The following PIK3R4 variants were observed in gnomAD, a reference collection of about 807,000 sequenced individuals.
PIK3R4 encodes phosphoinositide-3-kinase regulatory subunit 4, also known as phosphoinositide 3-kinase regulatory subunit 4.
A neutral mutation model predicts 136.5 loss-of-function variants in PIK3R4; 46 were observed. That is an observed-to-expected ratio of 0.34 (90% CI 0.27 to 0.43). PIK3R4 has a LOEUF of 0.43. Among genes scored for constraint, PIK3R4 ranks in the 20% least tolerant of loss-of-function variants. PIK3R4 has a pLI of 1.00. For missense variants in PIK3R4, 1,331 were observed against 1,649.5 expected (o/e 0.81, Z 3.35); for synonymous variants, 557 against 566.7 (o/e 0.98, Z 0.24).
At chr3:130,724,060 C>CA (rs2066718425) in intron 6 of PIK3R4, among the ~76,000 whole-genome samples, 1 of 150,762 alleles carries the variant, frequency 6.6e-6, no homozygotes, top group South Asian at 2.1e-4. Flanking sequence ...AATTCAAGGG[C>CA]AAAAAAAAGC....
chr3:130,735,925 G>C lies in PIK3R4; in HGVS notation c.811C>G (p.His271Asp). 1 of 1,612,378 alleles carries C rather than the reference G, an allele frequency of 6.2e-7. No individual in the cohort carries two copies. The highest frequency in any genetic ancestry group is 8.5e-7 in the Non-Finnish European group (1 of 1,179,038). ...TTTAGCACTTGTTCAGGGAAAAAATGTCCATTTCTATAAGCCAAAAGTTGA... is the reference window on the plus strand; with the variant it reads ...TTTAGCACTTGTTCAGGGAAAAAATCTCCATTTCTATAAGCCAAAAGTTGA... The part of the protein sequence containing the change: ...LSQLLAYRNG[H>D]FFPEQVLNKI... Residue 271 changes from histidine to aspartate, a missense_variant, in exon 3 of 20, where the codon CAT becomes GAT. This residue lies in a region of PIK3R4 where 1,180 missense variants were observed against 1,407.0 expected (regional missense o/e 0.84). Coordinates refer to ENST00000356763, the MANE Select transcript of PIK3R4 (RefSeq NM_014602.3).
intron 7 of PIK3R4, 54 bp downstream of exon 7, chr3:130,723,360 A>C: frequency 6.8e-7 from 1 of 1,480,052 alleles, no homozygotes; most frequent in Non-Finnish European, 9.2e-7. Context: ...TATTACCTAG[A>C]AATTTTATAA....
At chr3:130,740,343 A>T (rs2066815133) in intron 2 of PIK3R4, among the ~76,000 whole-genome samples, 1 of 152,242 alleles carries the variant, frequency 6.6e-6, no homozygotes, top group Non-Finnish European at 1.5e-5. Flanking sequence ...TATTGGGTCA[A>T]ATACAAAATT....
chr3:130,679,440 G>T lies in PIK3R4; in HGVS notation c.3952C>A (p.Arg1318=), dbSNP rs765217350. The part of the protein sequence containing the change: ...QKVGPSDDTP[R]RGPESLPVGH... ...ACGGGCAGGGACTCTGGGCCCCTTC[G>T]AGGGGTGTCATCACTTGGTCCTACT... Residue 1318 remains arginine, a synonymous_variant, in exon 20 of 20, where the codon CGA becomes AGA. Transcript: ENST00000356763. The T allele has an allele frequency of 6.2e-7, 1 of 1,612,910 alleles. No individual in the cohort carries two copies. The highest frequency in any genetic ancestry group is 8.5e-7 in the Non-Finnish European group (1 of 1,179,146).
chr3:130,711,244 G>C (rs942080425), intron 9 of PIK3R4, among the ~76,000 whole-genome samples: 1 of 151,698 alleles, frequency 6.6e-6, no homozygotes, highest in Non-Finnish European at 1.5e-5. Context: ...CACACACACA[G>C]ACACACACTT....
intron 9 of PIK3R4, among the ~76,000 whole-genome samples, chr3:130,712,940 G>A (rs576977303): frequency 6.6e-6 from 1 of 152,290 alleles, no homozygotes; most frequent in African/African-American, 2.4e-5. Flanking sequence ...GTGTAGGAGT[G>A]TAGGCTTTGG....
chr3:130,714,773 TGCTCTCATTCCTTTTTATG>T (rs1254920921), intron 9 of PIK3R4, among the ~76,000 whole-genome samples: 1 of 152,218 alleles, frequency 6.6e-6, no homozygotes, highest in Non-Finnish European at 1.5e-5. Flanking sequence ...GCAAAGGACA[TGCTCTCATTCCTTTTTATG>T]GCTGCATAGT....
rs780602116 is a variant in PIK3R4, at chr3:130,708,325, A to C, written c.2499T>G (p.Leu833=). 1.9e-6 allele frequency: 3 copies of C among 1,613,818 alleles called. No homozygotes were observed. The highest frequency in any genetic ancestry group is 2.5e-6 in the Non-Finnish European group (3 of 1,179,752). The change falls in exon 10 of 20, where the codon CTT becomes CTG. Residue 833 remains leucine, a synonymous_variant. Coordinates refer to ENST00000356763, the MANE Select transcript of PIK3R4 (RefSeq NM_014602.3). Reference sequence around the variant, plus strand: ...CATCTGGTTCTTGTTTGGTTTTAACAAGATCAACTTGTCTCCCAGTTATGC... The same window carrying C: ...CATCTGGTTCTTGTTTGGTTTTAACCAGATCAACTTGTCTCCCAGTTATGC... ...ALGITGRQVD[L]VKTKQEPDDK...
intron 15 of PIK3R4, among the ~76,000 whole-genome samples, chr3:130,684,588 C>T (rs1238721815): frequency 6.6e-6 from 1 of 152,144 alleles, no homozygotes; most frequent in Non-Finnish European, 1.5e-5. Flanking sequence ...ATATAAAGTG[C>T]TTATCATAAT....
At chr3:130,703,675 T>A in intron 13 of PIK3R4, 48 bp downstream of exon 13, 1 of 1,388,780 alleles carries the variant, frequency 7.2e-7, no homozygotes, top group East Asian at 2.3e-5. Flanking sequence ...TCAATAAACA[T>A]TTGTTGATTT....
At chr3:130,715,360 G>C (rs897024110) in intron 9 of PIK3R4, among the ~76,000 whole-genome samples, 1 of 152,042 alleles carries the variant, frequency 6.6e-6, no homozygotes, top group African/African-American at 2.4e-5. Context: ...CTGACCTCGG[G>C]TGACCCACCC....
intron 3 of PIK3R4, among the ~76,000 whole-genome samples, chr3:130,735,204 A>G (rs1017463786): frequency 1.3e-5 from 2 of 152,178 alleles, no homozygotes; most frequent in African/African-American, 4.8e-5. Flanking sequence ...AATGTATTAC[A>G]TATCTCCCTA....
chr3:130,687,783 C>T (rs1344329551), intron 14 of PIK3R4, among the ~76,000 whole-genome samples: 7 of 152,128 alleles, frequency 4.6e-5, no homozygotes, highest in Non-Finnish European at 8.8e-5. Context: ...GCTCTTGTGC[C>T]CTTTCAATGT....
At chr3:130,714,379 T>C (rs2066649666) in intron 9 of PIK3R4, among the ~76,000 whole-genome samples, 1 of 152,158 alleles carries the variant, frequency 6.6e-6, no homozygotes, top group African/African-American at 2.4e-5. Context: ...AAACAAGATG[T>C]ACATTTAGAT....
At position 130,721,965 on chromosome 3, in the gene PIK3R4, G is replaced by GTA. The variant is rs140300382; in HGVS notation, c.1981+1447_1981+1448dup. Among the ~76,000 whole-genome samples, 93 of 151,222 alleles carry GTA rather than the reference G, an allele frequency of 6.1e-4. 1 individual carries two copies. The highest frequency in any genetic ancestry group is 4.6e-4 in the Admixed American group (7 of 15,210). On this transcript the variant is annotated intron_variant, in intron 7 of 19. Coordinates refer to ENST00000356763, the MANE Select transcript of PIK3R4 (RefSeq NM_014602.3). The stretch of plus-strand genomic sequence containing the variant: ...TTGATTGCCATAATTACTTCACAAA[G>GTA]TATATATATATATCAAAATATCATG...
chr3:130,689,087 C>G (rs1038831374), intron 14 of PIK3R4, among the ~76,000 whole-genome samples: 1 of 152,208 alleles, frequency 6.6e-6, no homozygotes, highest in African/African-American at 2.4e-5. Flanking sequence ...TCTATGAGAA[C>G]AGTTGATATA....
rs1559817547 is a variant in PIK3R4, at chr3:130,679,271, G to GTA, written c.*42_*43dup. 8.2e-7 allele frequency: 1 copy of GTA among 1,218,194 alleles called. No individual in the cohort carries two copies. Among genetic ancestry groups the GTA allele is most frequent in the African/African-American group, 1.5e-5 (1 of 64,896 alleles). 75.5% of individuals were successfully genotyped at this position (1,218,194 alleles called of 1,614,324 possible). A position where few individuals can be genotyped will look rare whatever the true frequency, so the allele number is the denominator to read the frequency against. Reference sequence around the variant, plus strand: ...TAGAAATGCCTTTTCTCGAGTTATAGTATTATATTTATAACTATTAAAATT... The same window carrying GTA: ...TAGAAATGCCTTTTCTCGAGTTATAGTATATTATATTTATAACTATTAAAATT... On this transcript the variant is annotated 3_prime_UTR_variant, in exon 20 of 20. Transcript: ENST00000356763.
chr3:130,735,910 G>C lies in PIK3R4; in HGVS notation c.826C>G (p.Gln276Glu), dbSNP rs896820380. ...AYRNGHFFPE[Q>E]VLNKIEDHSI... ...TGATCTTCAATTTTATTTAGCACTT[G>C]TTCAGGGAAAAAATGTCCATTTCTA... The change falls in exon 3 of 20, where the codon CAA becomes GAA. Residue 276 changes from glutamine to glutamate, a missense_variant. Transcript: ENST00000356763. The C allele has an allele frequency of 3.7e-6, 6 of 1,612,274 alleles. No homozygotes were observed. Among genetic ancestry groups the C allele is most frequent in the Non-Finnish European group, 4.2e-6 (5 of 1,179,252 alleles).
At chr3:130,690,967 G>A (rs1024878502) in intron 13 of PIK3R4, among the ~76,000 whole-genome samples, 6 of 148,422 alleles carry the variant, frequency 4.0e-5, no homozygotes, top group African/African-American at 7.6e-5. Flanking sequence ...CCAGTGGTGC[G>A]ATCACAGCTT....
Sources: allele counts gnomAD v4.1 joint callset (sites outside exome capture counted in the v4.1 genomes callset), GRCh38; gene constraint gnomAD v4.1.1; regional missense constraint gnomAD v4.1.1; transcripts MANE v1.5; gene names NCBI Gene and HGNC (gene_info 2026-07-23, HGNC 2026-07-21).